DPP6: variants seen among roughly 807,000 people sequenced by gnomAD.
DPP6 encodes the protein dipeptidyl peptidase like 6, also known as A-type potassium channel modulatory protein DPP6.
A neutral mutation model predicts 122.6 loss-of-function variants in DPP6; 69 were observed. The ratio of observed to expected loss-of-function variants is 0.56; its 90% CI spans 0.46 to 0.69. The LOEUF (loss-of-function observed/expected upper bound fraction) is 0.69. Among genes scored for constraint, DPP6 ranks in the 30% least tolerant of loss-of-function variants. The pLI, the probability that DPP6 is intolerant of heterozygous loss-of-function variation, is 0.00. For synonymous variants in DPP6, 418 were observed against 433.1 expected (o/e 0.97, Z 0.43); for missense variants, 928 against 1,116.9 (o/e 0.83, Z 2.41).
chr7:154,180,509 AAT>A (rs913877010), intron 1 of DPP6, among the ~76,000 whole-genome samples: 133 of 141,198 alleles, frequency 9.4e-4, no homozygotes, highest in African/African-American at 3.5e-3. Flanking sequence ...TATATAAATA[AAT>A]ATATATAAAT....
intron 6 of DPP6, among the ~76,000 whole-genome samples, chr7:154,640,121 G>A (rs1203301553): frequency 6.6e-6 from 1 of 152,138 alleles, no homozygotes; most frequent in Admixed American, 6.5e-5. Flanking sequence ...GCATGGTGGT[G>A]CACACCTCTA....
intron 6 of DPP6, among the ~76,000 whole-genome samples, chr7:154,655,509 T>G (rs1004912137): frequency 5.3e-5 from 8 of 152,030 alleles, no homozygotes; most frequent in Admixed American, 5.2e-4. Context: ...AAGGAATAAA[T>G]AAGAAGAAAG....
the DPP6 span, among the ~76,000 whole-genome samples, chr7:153,840,652 C>A: frequency 6.6e-6 from 1 of 152,208 alleles, no homozygotes. Flanking sequence ...AAGAGACTAT[C>A]TGAAGCTGAA....
At chr7:154,540,120 A>G (rs1828598372) in intron 3 of DPP6, among the ~76,000 whole-genome samples, 1 of 152,216 alleles carries the variant, frequency 6.6e-6, no homozygotes, top group South Asian at 2.1e-4. Flanking sequence ...AGCAGATGAA[A>G]GCATGTTTTG....
At chr7:154,061,235 C>T (rs184411534) in intron 1 of DPP6, among the ~76,000 whole-genome samples, 13,373 of 102,174 alleles carry the variant, frequency 0.13, 14 homozygotes, top group Admixed American at 0.2. Context: ...GGGGCGGGGA[C>T]CCGGAACTTT....
chr7:154,635,103 C>G (rs1835655738), intron 5 of DPP6, among the ~76,000 whole-genome samples: 1 of 152,080 alleles, frequency 6.6e-6, no homozygotes, highest in Admixed American at 6.6e-5. Flanking sequence ...TAGAGAGAGA[C>G]AGAACTCAGG....
intron 16 of DPP6, among the ~76,000 whole-genome samples, chr7:154,830,574 A>G (rs1192193223): frequency 6.6e-6 from 1 of 152,226 alleles, no homozygotes; most frequent in Admixed American, 6.5e-5. Context: ...TTTCTTGAAG[A>G]AAAGGAAGTT....
intron 1 of DPP6, among the ~76,000 whole-genome samples, chr7:153,927,292 G>A (rs936635995): frequency 1.3e-5 from 2 of 152,142 alleles, no homozygotes; most frequent in African/African-American, 2.4e-5. Flanking sequence ...TAGCCTGGGC[G>A]ACAGAGCAAG....
chr7:153,894,108 G>A (rs148769726), intron 1 of DPP6, among the ~76,000 whole-genome samples: 76 of 152,312 alleles, frequency 5.0e-4, no homozygotes, highest in African/African-American at 1.6e-3. Context: ...TGAAAATGGA[G>A]TAAAGACTAC....
chr7:153,951,535 C>T (rs556866050), intron 1 of DPP6, among the ~76,000 whole-genome samples: 1 of 152,234 alleles, frequency 6.6e-6, no homozygotes, highest in Non-Finnish European at 1.5e-5. Context: ...GACTCTGTCT[C>T]AGTCTGGATC....
intron 1 of DPP6, among the ~76,000 whole-genome samples, chr7:154,148,852 G>A (rs373631430): frequency 8.0e-6 from 1 of 124,330 alleles, no homozygotes; most frequent in Admixed American, 8.3e-5. Flanking sequence ...GCTTCTGGGG[G>A]ACAGTGCAGC....
intron 1 of DPP6, among the ~76,000 whole-genome samples, chr7:154,440,098 T>C (rs550594466): frequency 9.9e-5 from 15 of 152,274 alleles, no homozygotes; most frequent in African/African-American, 3.4e-4. Context: ...TATAATTAAT[T>C]GCCAGTCCTC....
intron 1 of DPP6, among the ~76,000 whole-genome samples, chr7:154,172,782 G>A (rs367820667): frequency 1.3e-5 from 2 of 151,628 alleles, no homozygotes; most frequent in African/African-American, 4.8e-5. Flanking sequence ...GTATTTTTTT[G>A]TAGAAAGGGG....
At chr7:154,623,721 A>G (rs1834886719) in intron 5 of DPP6, among the ~76,000 whole-genome samples, 1 of 152,162 alleles carries the variant, frequency 6.6e-6, no homozygotes, top group African/African-American at 2.4e-5. Flanking sequence ...ACAACAGAAA[A>G]CAATTTAGCA....
At chr7:154,374,490 C>T (rs1283506438) in intron 1 of DPP6, among the ~76,000 whole-genome samples, 2 of 152,158 alleles carry the variant, frequency 1.3e-5, no homozygotes. Flanking sequence ...ACTGTGCATT[C>T]CCCGATGGCA....
intron 1 of DPP6, among the ~76,000 whole-genome samples, chr7:154,315,950 T>C (rs1041912768): frequency 1.1e-4 from 16 of 152,218 alleles, no homozygotes; most frequent in African/African-American, 3.6e-4. Context: ...TTACTTGTTG[T>C]ATCTCTGACG....
At chr7:154,222,420 CCGA>C (rs1432008833) in intron 1 of DPP6, among the ~76,000 whole-genome samples, 1 of 151,644 alleles carries the variant, frequency 6.6e-6, no homozygotes, top group East Asian at 1.9e-4. Flanking sequence ...CTTTGGGAGG[CCGA>C]GGTGGGCGGA....
At chr7:154,509,554 G>T (rs1346230134) in intron 3 of DPP6, among the ~76,000 whole-genome samples, 2 of 152,116 alleles carry the variant, frequency 1.3e-5, no homozygotes, top group Admixed American at 1.3e-4. Context: ...AACCACTTTG[G>T]AAAATAGCTG....
intron 1 of DPP6, among the ~76,000 whole-genome samples, chr7:153,901,465 A>G (rs552531519): frequency 1.3e-5 from 2 of 152,208 alleles, no homozygotes; most frequent in Non-Finnish European, 2.9e-5. Flanking sequence ...ACAGAATCTC[A>G]GATAATCACT....
Sources: allele counts gnomAD v4.1 joint callset (sites outside exome capture counted in the v4.1 genomes callset), GRCh38; gene constraint gnomAD v4.1.1; transcripts MANE v1.5; gene names NCBI Gene and HGNC (gene_info 2026-07-23, HGNC 2026-07-21).